Variants in KIAA1217 observed in about 807,000 individuals in gnomAD.
The protein encoded by KIAA1217 is KIAA1217.
Under a neutral mutation model 163.9 loss-of-function variants are expected in KIAA1217, and 88 were observed. The ratio of observed to expected loss-of-function variants is 0.54; its 90% CI spans 0.45 to 0.64. The LOEUF (loss-of-function observed/expected upper bound fraction) is 0.64, where lower values mean the gene tolerates loss of function less well. Among genes scored for constraint, KIAA1217 ranks in the 30% least tolerant of loss-of-function variants. The probability of loss-of-function intolerance (pLI) is 0.00; values close to 1 mark genes in which losing one functional copy is unlikely to be tolerated. For synonymous variants in KIAA1217, 903 were observed against 923.1 expected (o/e 0.98, Z 0.39); for missense variants, 2,372 against 2,475.0 (o/e 0.96, Z 0.88).
At chr10:24,124,007 A>G (rs1294735167) in intron 2 of KIAA1217, among the ~76,000 whole-genome samples, 1 of 152,116 alleles carries the variant, frequency 6.6e-6, no homozygotes, top group Non-Finnish European at 1.5e-5. Context: ...CTTTTTCCTT[A>G]CTTTATTTAG....
chr10:24,422,059 A>G (rs1194833600), intron 3 of KIAA1217, among the ~76,000 whole-genome samples: 1 of 152,188 alleles, frequency 6.6e-6, no homozygotes, highest in African/African-American at 2.4e-5. Context: ...TGAGGAGTAA[A>G]GTCACATCTT....
At chr10:23,744,276 C>T (rs984512162) in intron 1 of KIAA1217, among the ~76,000 whole-genome samples, 14 of 152,140 alleles carry the variant, frequency 9.2e-5, no homozygotes, top group Middle Eastern at 3.2e-3. Context: ...GGTACTTTCC[C>T]GCTGCTTTTA....
rs577146958 is a variant in KIAA1217, at chr10:23,709,954, A to T, written c.-321+14720A>T. Among the ~76,000 whole-genome samples, 4 of 152,304 alleles carry T rather than the reference A, an allele frequency of 2.6e-5. No individual in the cohort carries two copies. The East Asian group carries it at 7.7e-4, about 29-fold the overall frequency. On this transcript the variant is annotated intron_variant, in intron 1 of 18. Coordinates refer to the KIAA1217 transcript ENST00000376462. ...TCTGTTATGTCGCACTTTCCCTATTATGTGAAGAGTTAATTATCTGATTTT... is the reference window on the plus strand; with the variant it reads ...TCTGTTATGTCGCACTTTCCCTATTTTGTGAAGAGTTAATTATCTGATTTT...
intron 2 of KIAA1217, among the ~76,000 whole-genome samples, chr10:24,340,785 G>A (rs547518316): frequency 2.4e-4 from 36 of 152,282 alleles, no homozygotes; most frequent in Admixed American, 1.0e-3. Flanking sequence ...ACTGCCCCAC[G>A]TTTAATAGAA....
chr10:24,491,510 G>A (rs983027606), intron 6 of KIAA1217, among the ~76,000 whole-genome samples: 3 of 151,866 alleles, frequency 2.0e-5, no homozygotes, highest in Admixed American at 6.6e-5. Context: ...GGCTGGTCTC[G>A]AACTCTTGAC....
chr10:23,949,526 C>T (rs1844232002), intron 1 of KIAA1217, among the ~76,000 whole-genome samples: 1 of 151,602 alleles, frequency 6.6e-6, no homozygotes, highest in South Asian at 2.1e-4. Context: ...ATCCAGACAC[C>T]CAGAAGAAAT....
At chr10:24,117,849 T>C (rs1302576438) in intron 2 of KIAA1217, among the ~76,000 whole-genome samples, 1 of 152,100 alleles carries the variant, frequency 6.6e-6, no homozygotes, top group African/African-American at 2.4e-5. Context: ...AAAAGTGTAC[T>C]TTCATACGGA....
intron 2 of KIAA1217, among the ~76,000 whole-genome samples, chr10:24,066,310 C>T (rs867206145): frequency 2.3e-4 from 35 of 151,818 alleles, no homozygotes; most frequent in African/African-American, 8.5e-4. Context: ...TTAGTGCTTC[C>T]TTCAGGAGCT....
At chr10:23,961,296 C>T (rs1844810795) in intron 1 of KIAA1217, among the ~76,000 whole-genome samples, 1 of 152,134 alleles carries the variant, frequency 6.6e-6, no homozygotes, top group African/African-American at 2.4e-5. Context: ...TTCATATGCC[C>T]TTTTGAGGAC....
At chr10:23,856,394 G>A (rs745753796) in intron 1 of KIAA1217, among the ~76,000 whole-genome samples, 8 of 152,168 alleles carry the variant, frequency 5.3e-5, no homozygotes, top group Non-Finnish European at 1.0e-4. Flanking sequence ...AAGAGTACCC[G>A]TCTGTGTGAG....
chr10:24,052,362 G>T (rs1340311740), intron 2 of KIAA1217, among the ~76,000 whole-genome samples: 13 of 151,998 alleles, frequency 8.6e-5, no homozygotes, highest in Admixed American at 8.5e-4. Context: ...TTCTGTTTCT[G>T]CTTTAACTAG....
At chr10:23,912,256 T>G (rs1168283985) in intron 1 of KIAA1217, among the ~76,000 whole-genome samples, 7 of 152,130 alleles carry the variant, frequency 4.6e-5, no homozygotes, top group Non-Finnish European at 1.0e-4. Flanking sequence ...GAGCATTTAA[T>G]ATAGTCCATT....
intron 1 of KIAA1217, among the ~76,000 whole-genome samples, chr10:23,816,439 C>T (rs1213706573): frequency 1.4e-5 from 2 of 144,740 alleles, no homozygotes; most frequent in Non-Finnish European, 3.1e-5. Context: ...ATTACAGGCA[C>T]CTGCCACCAT....
intron 1 of KIAA1217, among the ~76,000 whole-genome samples, chr10:23,859,138 G>A (rs921276422): frequency 6.6e-6 from 1 of 152,198 alleles, no homozygotes; most frequent in Non-Finnish European, 1.5e-5. Context: ...CTTTGTATAT[G>A]TGTGGGTGTA....
rs185817870 is a variant in KIAA1217 at position 24,115,765 on chromosome 10, C to T, written c.-170-103861C>T. On this transcript the variant is annotated intron_variant, in intron 2 of 18. Transcript: ENST00000376462. ...GCATGGCGCCACCAGGTAGGATGGC[C>T]AACCATCTGGATTCCTTGGAACTGG... 3.3e-3 allele frequency among the ~76,000 whole-genome samples: 497 copies of T among 152,272 alleles called. 5 individuals carry two copies. The highest frequency in any genetic ancestry group is 0.01 in the Middle Eastern group (3 of 294).
At chr10:24,532,663 C>T (rs975427207) in intron 15 of KIAA1217, among the ~76,000 whole-genome samples, 6 of 152,100 alleles carry the variant, frequency 3.9e-5, no homozygotes, top group Admixed American at 6.5e-5. Flanking sequence ...ATTTATAAAA[C>T]GGTCCGATCT....
intron 2 of KIAA1217, among the ~76,000 whole-genome samples, chr10:24,023,907 G>A (rs1011772764): frequency 4.0e-5 from 6 of 151,458 alleles, no homozygotes; most frequent in Non-Finnish European, 7.4e-5. Flanking sequence ...TAGAAAAAAA[G>A]GAAAAATTAA....
upstream of KIAA1217, among the ~76,000 whole-genome samples, chr10:24,207,273 C>T (rs1484662030): frequency 8.9e-6 from 1 of 112,276 alleles, no homozygotes; most frequent in Non-Finnish European, 1.8e-5. Context: ...GTGTTTCTCT[C>T]TCTCTCTCTC....
At chr10:24,078,101 T>TG (rs2061424778) in intron 2 of KIAA1217, among the ~76,000 whole-genome samples, 1 of 152,264 alleles carries the variant, frequency 6.6e-6, no homozygotes, top group Non-Finnish European at 1.5e-5. Flanking sequence ...CTCTGTCAGA[T>TG]GGGTAGATTG....
Sources: allele counts gnomAD v4.1 joint callset (sites outside exome capture counted in the v4.1 genomes callset), GRCh38; gene constraint gnomAD v4.1.1; transcripts MANE v1.5; gene names NCBI Gene and HGNC (gene_info 2026-07-23, HGNC 2026-07-21).